The following CNTNAP2 variants were observed in gnomAD, a reference collection of about 807,000 sequenced individuals.
CNTNAP2 encodes the protein contactin associated protein 2, also known as contactin-associated protein-like 2.
In CNTNAP2, 98 loss-of-function variants were observed where a neutral mutation model predicts 155.2. That is an observed-to-expected ratio of 0.63 (90% CI 0.54 to 0.75). The LOEUF (loss-of-function observed/expected upper bound fraction) is 0.75. CNTNAP2 is among the 30% of genes least tolerant of loss of function. The pLI, the probability that CNTNAP2 is intolerant of heterozygous loss-of-function variation, is 0.00. For synonymous variants in CNTNAP2, 651 were observed against 631.2 expected, an observed-to-expected ratio of 1.03 and a Z score of -0.47; for missense variants, 1,727 against 1,688.1, an observed-to-expected ratio of 1.02 and a Z score of -0.40.
At chr7:146,958,499 T>G (rs919410031) in intron 3 of CNTNAP2, among the ~76,000 whole-genome samples, 1 of 144,440 alleles carries the variant, frequency 6.9e-6, no homozygotes, top group African/African-American at 2.6e-5. Context: ...CTGCAAGCTC[T>G]GCCTCCAGGG....
At chr7:146,884,158 T>G (rs966665046) in intron 3 of CNTNAP2, among the ~76,000 whole-genome samples, 2 of 152,116 alleles carry the variant, frequency 1.3e-5, no homozygotes, top group African/African-American at 4.8e-5. Flanking sequence ...AGACCTGCAG[T>G]TAGCTCTGTG....
intron 15 of CNTNAP2, among the ~76,000 whole-genome samples, chr7:148,085,368 G>A (rs2116554582): frequency 6.6e-6 from 1 of 152,230 alleles, no homozygotes; most frequent in African/African-American, 2.4e-5. Context: ...GATATAGCTT[G>A]GGTTGTTAAG....
chr7:147,941,794 T>C (rs1406325798), intron 14 of CNTNAP2, among the ~76,000 whole-genome samples: 1 of 152,220 alleles, frequency 6.6e-6, no homozygotes, highest in Admixed American at 6.5e-5. Context: ...GTACCATTTC[T>C]TGCTCAGTTG....
At chr7:147,952,713 C>T (rs190423282) in intron 14 of CNTNAP2, among the ~76,000 whole-genome samples, 8 of 152,194 alleles carry the variant, frequency 5.3e-5, no homozygotes, top group Admixed American at 2.6e-4. Flanking sequence ...CACACAGACA[C>T]GTCACATGCA....
At chr7:147,283,316 G>T (rs1433921055) in intron 8 of CNTNAP2, among the ~76,000 whole-genome samples, 1 of 151,474 alleles carries the variant, frequency 6.6e-6, no homozygotes, top group African/African-American at 2.4e-5. Context: ...ATAGTTCAAA[G>T]GCTTTTTTTT....
chr7:147,149,782 G>C (rs1212677298), intron 8 of CNTNAP2, among the ~76,000 whole-genome samples: 1 of 152,116 alleles, frequency 6.6e-6, no homozygotes, highest in Non-Finnish European at 1.5e-5. Flanking sequence ...GGTGAGAACA[G>C]GGAAAATGAG....
chr7:146,415,564 T>C (rs1795926803), intron 1 of CNTNAP2, among the ~76,000 whole-genome samples: 1 of 152,164 alleles, frequency 6.6e-6, no homozygotes, highest in East Asian at 1.9e-4. Context: ...GTTAGCATAA[T>C]GCAACTCATT....
chr7:146,835,436 T>C (rs10282480), intron 2 of CNTNAP2, among the ~76,000 whole-genome samples: 34,024 of 152,076 alleles, frequency 0.22, 4,448 homozygotes, highest in Middle Eastern at 0.37. Flanking sequence ...GAACTGTATA[T>C]CTAACAGGTA....
At chr7:147,980,804 A>G (rs6980431) in intron 15 of CNTNAP2, among the ~76,000 whole-genome samples, 55,300 of 149,648 alleles carry the variant, frequency 0.37, 12,122 homozygotes, top group Middle Eastern at 0.63. Flanking sequence ...GGTGGCGGGC[A>G]CCTGTAGTCC....
At chr7:146,410,206 T>G (rs186114751) in intron 1 of CNTNAP2, among the ~76,000 whole-genome samples, 1 of 152,342 alleles carries the variant, frequency 6.6e-6, no homozygotes, top group East Asian at 1.9e-4. Flanking sequence ...TGACTGCCTG[T>G]GAGCTAAATT....
intron 1 of CNTNAP2, among the ~76,000 whole-genome samples, chr7:146,180,818 G>A (rs1044484450): frequency 1.3e-5 from 2 of 152,168 alleles, no homozygotes; most frequent in African/African-American, 4.8e-5. Context: ...GTTCAAAGAA[G>A]TTAATATCAC....
chr7:148,344,844 G>T (rs1362039081), intron 21 of CNTNAP2, among the ~76,000 whole-genome samples: 2 of 152,156 alleles, frequency 1.3e-5, no homozygotes, highest in African/African-American at 2.4e-5. Flanking sequence ...TAAAATGAAA[G>T]TATCAAGGTT....
chr7:147,436,376 AT>A (rs1371920469), intron 10 of CNTNAP2, among the ~76,000 whole-genome samples: 3 of 152,192 alleles, frequency 2.0e-5, no homozygotes, highest in Non-Finnish European at 2.9e-5. Context: ...TCAGTTAAAA[AT>A]TTTTAATTTG....
At chr7:148,327,848 C>T (rs996217468) in intron 21 of CNTNAP2, among the ~76,000 whole-genome samples, 3 of 152,114 alleles carry the variant, frequency 2.0e-5, no homozygotes, top group African/African-American at 4.8e-5. Context: ...TGCCCTGCAC[C>T]GCCCCCACCC....
rs913694108 is a variant in CNTNAP2 at position 146,605,089 on chromosome 7, A to T, written c.98-169182A>T. 4.2e-4 allele frequency among the ~76,000 whole-genome samples: 32 copies of T among 76,960 alleles called. 2 individuals carry two copies. Among genetic ancestry groups the T allele is most frequent in the African/African-American group, 1.9e-3 (29 of 15,034 alleles). 50.5% of individuals were successfully genotyped at this position (76,960 alleles called of 152,430 possible). ...TAAAGTATAATAAAAAAAAACAACA[A>T]AAAAAAAAAGAAAAAAAAATACTGC... On this transcript the variant is annotated intron_variant, in intron 1 of 23. Coordinates refer to ENST00000361727, the MANE Select transcript of CNTNAP2 (RefSeq NM_014141.6).
At chr7:147,113,571 C>A (rs1484062875) in intron 5 of CNTNAP2, among the ~76,000 whole-genome samples, 6 of 152,070 alleles carry the variant, frequency 3.9e-5, no homozygotes, top group Admixed American at 3.9e-4. Context: ...GAGAGAAGTG[C>A]AGAGTGAAGT....
At position 146,998,238 on chromosome 7, in the gene CNTNAP2, A is replaced by G. The variant is rs143087731; in HGVS notation, c.403-45669A>G. Among the ~76,000 whole-genome samples the G allele has an allele frequency of 6.7e-3, 1,020 of 151,970 alleles. 7 individuals carry two copies. Among genetic ancestry groups the G allele is most frequent in the African/African-American group, 0.023 (964 of 41,510 alleles). On this transcript the variant is annotated intron_variant, in intron 3 of 23. Transcript: ENST00000361727. ...CAGAATATGTTGTGTTCCCATTTAT[A>G]TTTGTCTGAAGAATATTTTAAATTT...
At chr7:146,998,582 T>C (rs1608631) in intron 3 of CNTNAP2, among the ~76,000 whole-genome samples, 57,578 of 151,788 alleles carry the variant, frequency 0.38, 11,110 homozygotes, top group East Asian at 0.47. Context: ...ATGATGTTTC[T>C]ATGTTGATTT....
chr7:148,296,545 CAAAAAAAAAA>C (rs143609414), intron 21 of CNTNAP2, among the ~76,000 whole-genome samples: 7,345 of 76,806 alleles, frequency 0.096, 339 homozygotes, highest in South Asian at 0.2. Context: ...GACTCTGTCT[CAAAAAAAAAA>C]AAAAAAAAAA....
Sources: allele counts gnomAD v4.1 joint callset (sites outside exome capture counted in the v4.1 genomes callset), GRCh38; gene constraint gnomAD v4.1.1; transcripts MANE v1.5; gene names NCBI Gene and HGNC (gene_info 2026-07-23, HGNC 2026-07-21).